ASCC3: variants seen among roughly 807,000 people sequenced by gnomAD.
ASCC3 encodes ASC-1 complex subunit P200.
A neutral mutation model predicts 256.3 loss-of-function variants in ASCC3; 158 were observed. The ratio of observed to expected loss-of-function variants is 0.62; its 90% CI spans 0.54 to 0.70. ASCC3 has a LOEUF of 0.70. ASCC3 is among the 30% of genes least tolerant of loss of function. ASCC3 has a pLI of 0.00. For missense variants in ASCC3, 2,259 were observed against 2,626.0 expected (o/e 0.86, Z 3.05); for synonymous variants, 948 against 883.4 (o/e 1.07, Z -1.30).
chr6:100,517,904 TA>T, intron 38 of ASCC3, 86 bp downstream of exon 38: 2 of 1,403,188 alleles, frequency 1.4e-6, no homozygotes, highest in Non-Finnish European at 2.0e-6. Flanking sequence ...GTATTCTCCA[TA>T]ACATAAAATT....
intron 10 of ASCC3, among the ~76,000 whole-genome samples, chr6:100,764,125 A>T (rs9373590): frequency 0.39 from 59,452 of 152,126 alleles, 12,886 homozygotes; most frequent in Middle Eastern, 0.56. Context: ...TTCTTGCATT[A>T]GCATCAGTAA....
intron 8 of ASCC3, among the ~76,000 whole-genome samples, chr6:100,776,339 C>T (rs1294871244): frequency 6.6e-6 from 1 of 152,014 alleles, no homozygotes; most frequent in Non-Finnish European, 1.5e-5. Flanking sequence ...TAAGTATATA[C>T]CATTTTCCCT....
At chr6:100,696,252 A>C (rs1778076579) in intron 13 of ASCC3, among the ~76,000 whole-genome samples, 1 of 152,156 alleles carries the variant, frequency 6.6e-6, no homozygotes, top group Admixed American at 6.5e-5. Context: ...AAAACAAACA[A>C]AAAATTGATA....
At chr6:100,802,315 G>A (rs570607554) in intron 5 of ASCC3, among the ~76,000 whole-genome samples, 4 of 151,918 alleles carry the variant, frequency 2.6e-5, no homozygotes, top group South Asian at 2.1e-4. Context: ...CTTTTAGAAC[G>A]GTCGTTTAAA....
At chr6:100,583,827 C>G (rs12196890) in intron 36 of ASCC3, among the ~76,000 whole-genome samples, 1 of 151,856 alleles carries the variant, frequency 6.6e-6, no homozygotes, top group African/African-American at 2.4e-5. Flanking sequence ...TTTATTTCTG[C>G]CTTCATTTCG....
chr6:100,650,417 G>T, intron 20 of ASCC3, 121 bp downstream of exon 20: 1 of 983,124 alleles, frequency 1.0e-6, no homozygotes. Flanking sequence ...ACAGTTCTAA[G>T]TAAAATGGTG....
At chr6:100,756,628 G>A (rs113141310) in intron 10 of ASCC3, among the ~76,000 whole-genome samples, 2,865 of 152,154 alleles carry the variant, frequency 0.019, 36 homozygotes, top group Non-Finnish European at 0.032. Context: ...TACACTAAGG[G>A]AATTGAATGA....
chr6:100,605,348 T>C (rs1341763656), intron 33 of ASCC3, among the ~76,000 whole-genome samples: 1 of 152,170 alleles, frequency 6.6e-6, no homozygotes, highest in Non-Finnish European at 1.5e-5. Flanking sequence ...TCATAGTCAA[T>C]GCGTCTGAAC....
chr6:100,623,548 G>T (rs1774071777), intron 30 of ASCC3, among the ~76,000 whole-genome samples: 1 of 152,156 alleles, frequency 6.6e-6, no homozygotes, highest in South Asian at 2.1e-4. Context: ...CTGGGCACCA[G>T]TGGATTTGGA....
At position 100,783,735 on chromosome 6, in the gene ASCC3, A is replaced by G. The variant is rs150958093; in HGVS notation, c.1395+14978T>C. Among the ~76,000 whole-genome samples the G allele has an allele frequency of 5.6e-3, 856 of 152,330 alleles. 4 individuals are homozygous for G. Among genetic ancestry groups the G allele is most frequent in the Non-Finnish European group, 8.8e-3 (599 of 68,022 alleles). On this transcript the variant is annotated intron_variant, in intron 8 of 41. Coordinates refer to ENST00000369162, the MANE Select transcript of ASCC3 (RefSeq NM_006828.4). ...AGACTAACTGAACACAAAAACTACA[A>G]TGTGATTTCTAATGCTCTTAAATTA...
chr6:100,674,977 G>T (rs1215888064), intron 14 of ASCC3, among the ~76,000 whole-genome samples: 1 of 152,066 alleles, frequency 6.6e-6, no homozygotes, highest in Non-Finnish European at 1.5e-5. Context: ...TGTATGTGAT[G>T]AAATGTGGCT....
intron 8 of ASCC3, among the ~76,000 whole-genome samples, chr6:100,767,852 G>A (rs931883474): frequency 5.3e-5 from 8 of 151,396 alleles, no homozygotes; most frequent in African/African-American, 7.3e-5. Flanking sequence ...TCCTGACCTC[G>A]TGATCCGCCC....
At chr6:100,605,951 T>A (rs1772863179) in intron 32 of ASCC3, among the ~76,000 whole-genome samples, 1 of 152,074 alleles carries the variant, frequency 6.6e-6, no homozygotes, top group Non-Finnish European at 1.5e-5. Context: ...TCTTAACATT[T>A]ATAGATGTAA....
chr6:100,609,893 G>A (rs1387291777), intron 30 of ASCC3, among the ~76,000 whole-genome samples: 3 of 152,054 alleles, frequency 2.0e-5, no homozygotes, highest in Non-Finnish European at 2.9e-5. Flanking sequence ...CTGGGCAACA[G>A]AGCTAGATTC....
In ASCC3 at chr6:100,800,439, A is replaced by AC. The variant is rs779879608; in HGVS notation, c.987dup (p.Ser330ValfsTer2). 1.2e-6 allele frequency: 2 copies of AC among 1,612,428 alleles called. No homozygotes were observed. Among genetic ancestry groups the AC allele is most frequent in the Admixed American group, 3.3e-5 (2 of 59,850 alleles). ...TTCATTAACTGCTTTTCTTGTTCAG[A>AC]CTGAATAGTGACTTGACAACCATAA... On this transcript the variant is annotated frameshift_variant, in exon 6 of 42. Coordinates refer to ENST00000369162, the MANE Select transcript of ASCC3 (RefSeq NM_006828.4). LOFTEE classifies it high-confidence loss of function.
chr6:100,823,163 A>G (rs1054582804), intron 4 of ASCC3, among the ~76,000 whole-genome samples: 10 of 152,184 alleles, frequency 6.6e-5, no homozygotes, highest in African/African-American at 2.2e-4. Flanking sequence ...TCCCAAAATT[A>G]TGCTTCCCAT....
intron 14 of ASCC3, among the ~76,000 whole-genome samples, chr6:100,662,763 G>C (rs979317324): frequency 1.3e-5 from 2 of 152,000 alleles, no homozygotes; most frequent in African/African-American, 4.8e-5. Context: ...AAAGGAAAGA[G>C]GTGAAAAGCA....
chr6:100,682,088 A>C (rs915540795), intron 13 of ASCC3, among the ~76,000 whole-genome samples: 4 of 152,156 alleles, frequency 2.6e-5, no homozygotes, highest in Admixed American at 2.0e-4. Context: ...TTCCATTGTA[A>C]GTTTCTTTTT....
chr6:100,530,937 C>A, intron 37 of ASCC3: 3 of 1,377,362 alleles, frequency 2.2e-6, no homozygotes, highest in Non-Finnish European at 3.1e-6. Flanking sequence ...GACTTCAGTA[C>A]AGTGATTGCA....
Sources: gnomAD v4.1 joint callset for allele counts (sites outside exome capture counted in the v4.1 genomes callset) on GRCh38, gnomAD v4.1.1 for gene constraint, MANE v1.5 for transcripts, NCBI Gene and HGNC (gene_info 2026-07-23, HGNC 2026-07-21) for gene names.